FPGS: variants seen among roughly 807,000 people sequenced by gnomAD.
FPGS encodes folylpolyglutamate synthase, mitochondrial.
A neutral mutation model predicts 66.5 loss-of-function variants in FPGS; 53 were observed. That is an observed-to-expected ratio of 0.80 (90% confidence interval 0.64 to 1.00). FPGS has a LOEUF of 1.00. Ranked by LOEUF, FPGS falls within the 50% of genes least tolerant of loss-of-function variation. FPGS has a pLI of 0.00. For missense variants in FPGS, 702 were observed against 807.7 expected (o/e 0.87, Z 1.59); for synonymous variants, 348 against 350.9 (o/e 0.99, Z 0.09).
intron 4 of FPGS, among the ~76,000 whole-genome samples, chr9:127,805,949 C>T (rs1829790451): frequency 6.6e-6 from 1 of 152,210 alleles, no homozygotes; most frequent in South Asian, 2.1e-4. Context: ...AATCAGCTGC[C>T]TAAGGTCATT....
At chr9:127,810,880 C>G in intron 13 of FPGS, 65 bp from the exon 14 acceptor site, 1 of 802,870 alleles carries the variant, frequency 1.2e-6, no homozygotes, top group Non-Finnish European at 2.1e-6. Flanking sequence ...GCGCAGGGGG[C>G]CATATGGAAG....
At chr9:127,808,432 G>A (rs373153022) in intron 9 of FPGS, 121 bp downstream of exon 9, 2 of 1,510,800 alleles carry the variant, frequency 1.3e-6, no homozygotes, top group Non-Finnish European at 1.8e-6. Flanking sequence ...TGGGCCAGCT[G>A]CCAGGCCTGC....
At chr9:127,806,703 C>T (rs376112584) in intron 4 of FPGS, 2 of 487,734 alleles carry the variant, frequency 4.1e-6, no homozygotes, top group Non-Finnish European at 7.5e-6. Flanking sequence ...ACTGTTGGAG[C>T]CCATAGAATG....
Position 127,807,931 on chromosome 9 carries a change from C to T in FPGS, c.744+243C>T. On this transcript the variant is annotated intron_variant, in intron 8 of 14. Coordinates refer to ENST00000373247, the MANE Select transcript of FPGS (RefSeq NM_004957.6). The surrounding 1 kb of genome is among the most constrained non-coding windows in gnomAD (Gnocchi z 5.8). ...GACCAGCCTGACCAATATGGGGAAA[C>T]TCTGTCTCTACTAAAAATACAAAAA... 1.8e-6 allele frequency: 1 copy of T among 567,854 alleles called. No individual in the cohort carries two copies. The highest frequency in any genetic ancestry group is 3.1e-6 in the Non-Finnish European group (1 of 322,514). The allele number at this position is 567,854 out of a possible 1,614,324, so 35.2% of individuals were successfully genotyped here.
rs1484301382 is a variant in FPGS, at chr9:127,808,000, G to A, written c.745-234G>A. 2 of 577,252 alleles carry A rather than the reference G, an allele frequency of 3.5e-6. No individual in the cohort carries two copies. The highest frequency in any genetic ancestry group is 4.3e-5 in the South Asian group (2 of 46,004). 35.8% of individuals were successfully genotyped at this position (577,252 alleles called of 1,614,324 possible). A position where few individuals can be genotyped will look rare whatever the true frequency, so the allele number is the denominator to read the frequency against. On this transcript the variant is annotated intron_variant, in intron 8 of 14. Coordinates refer to ENST00000373247, the MANE Select transcript of FPGS (RefSeq NM_004957.6). The surrounding 1 kb of genome is among the most constrained non-coding windows in gnomAD (Gnocchi z 5.8). The stretch of plus-strand genomic sequence containing the variant: ...GTACGCCTGTAGTTCCAGCTACTTG[G>A]GAGACTGAGGCAGGAGAATCACTCG...
intron 14 of FPGS, 94 bp from the exon 15 acceptor site, chr9:127,813,101 G>T: frequency 6.7e-7 from 1 of 1,486,472 alleles, no homozygotes. Flanking sequence ...GGCTTGGTGC[G>T]AAGCAGGTGC....
At position 127,813,589 on chromosome 9, in the gene FPGS, C is replaced by T. The variant is rs140231222; in HGVS notation, c.1749C>T (p.Pro583=). Residue 583 remains proline, a synonymous_variant, in exon 15 of 15, where the codon CCC becomes CCT. Coordinates refer to ENST00000373247, the MANE Select transcript of FPGS (RefSeq NM_004957.6). The part of the protein sequence containing the change: ...LVGGVLKLLE[P]ALSQ ...GTGGTGTCCTGAAGCTGCTGGAGCCCGCACTGTCCCAGTAGCCAAGGCCCG... is the reference window on the plus strand; with the variant it reads ...GTGGTGTCCTGAAGCTGCTGGAGCCTGCACTGTCCCAGTAGCCAAGGCCCG... 225 of 1,536,134 alleles carry T rather than the reference C, an allele frequency of 1.5e-4. No homozygotes were observed. The highest frequency in any genetic ancestry group is 9.9e-4 in the African/African-American group (72 of 72,704).
rs777990794 is a variant in FPGS at position 127,810,938 on chromosome 9, C to T, written c.1288-7C>T. The T allele has an allele frequency of 1.3e-6, 2 of 1,559,498 alleles. No individual in the cohort carries two copies. The highest frequency in any genetic ancestry group is 1.7e-6 in the Non-Finnish European group (2 of 1,143,100). ...TCTGACACCAAGTCTTTCCCTTGGC[C>T]TTCTAGCCCTGCCAGTTTGACTATG... On this transcript the variant is annotated splice_region_variant and splice_polypyrimidine_tract_variant and intron_variant, in intron 13 of 14. Coordinates refer to ENST00000373247, the MANE Select transcript of FPGS (RefSeq NM_004957.6).
rs751169043 is a variant in FPGS, at chr9:127,807,171, G to A, written c.502-38G>A. ...ACCCCATCTCCCCAGAGAAGGGGCT[G>A]CATGGGCTCTGGGCCCTGACATGTC... On this transcript the variant is annotated intron_variant, in intron 5 of 14. Transcript: ENST00000373247. The surrounding 1 kb of genome is among the most constrained non-coding windows in gnomAD (Gnocchi z 5.8). The A allele has an allele frequency of 1.2e-6, 2 of 1,612,374 alleles. No homozygotes were observed. Among genetic ancestry groups the A allele is most frequent in the Non-Finnish European group, 1.7e-6 (2 of 1,178,544 alleles).
chr9:127,804,138 C>T, intron 1 of FPGS, 147 bp from the exon 2 acceptor site: 1 of 1,052,294 alleles, frequency 9.5e-7, no homozygotes. Flanking sequence ...GTTGCTTAAC[C>T]TACAGGCTAG....
intron 14 of FPGS, among the ~76,000 whole-genome samples, chr9:127,812,582 A>G (rs1356450621): frequency 2.0e-5 from 3 of 152,082 alleles, no homozygotes. Flanking sequence ...GCTCACTGCA[A>G]TCTCCACCTC....
At chr9:127,803,113 C>G (rs550566089) in intron 1 of FPGS, 51 bp downstream of exon 1, 2 of 1,317,256 alleles carry the variant, frequency 1.5e-6, no homozygotes, top group South Asian at 4.1e-5. Flanking sequence ...GACACGTGGG[C>G]CTGCGCTGAG....
At chr9:127,806,530 A>G (rs968111194) in intron 4 of FPGS, 9 of 171,438 alleles carry the variant, frequency 5.2e-5, no homozygotes, top group East Asian at 1.5e-4. Flanking sequence ...AAAAACTACA[A>G]TCATTTTTGG....
chr9:127,803,100 G>A (rs1034425998), intron 1 of FPGS, 38 bp downstream of exon 1: 53 of 1,349,770 alleles, frequency 3.9e-5, no homozygotes, highest in Non-Finnish European at 4.6e-5. Flanking sequence ...GCCTGGGCGC[G>A]ACGACACGTG....
At chr9:127,814,145 A>G (rs747888452), downstream of FPGS, 937 of 985,912 alleles carry the variant, frequency 9.5e-4, 1 homozygote, top group Non-Finnish European at 1.1e-3. Flanking sequence ...AGGGACCTGC[A>G]CTGTGTAGAG....
At chr9:127,806,854 A>G (rs1829831098) in intron 4 of FPGS, 119 bp from the exon 5 acceptor site, 1 of 739,410 alleles carries the variant, frequency 1.4e-6, no homozygotes, top group Non-Finnish European at 2.4e-6. Flanking sequence ...GGCACCAGGA[A>G]CAAACCGAGG....
chr9:127,808,354 T>C, intron 9 of FPGS, 43 bp downstream of exon 9: 3 of 1,570,914 alleles, frequency 1.9e-6, no homozygotes, highest in Non-Finnish European at 2.6e-6. Flanking sequence ...TGGGTTTGTG[T>C]CCCTCCTGTT....
In FPGS at chr9:127,813,386, G is replaced by A. The variant is rs766443523; in HGVS notation, c.1546G>A (p.Val516Ile). Reference sequence around the variant, plus strand: ...CCACACCTGCAGTGCCAGCTCCCTCGTCTTCAGCTGCATTTCACATGCCTT... The same window carrying A: ...CCACACCTGCAGTGCCAGCTCCCTCATCTTCAGCTGCATTTCACATGCCTT... ...PPHTCSASSL[V>I]FSCISHALQW... The change falls in exon 15 of 15, where the codon GTC (valine) becomes ATC (isoleucine). Residue 516 changes from valine to isoleucine, a missense_variant. Val to Ile is a conservative substitution (Grantham distance 29). Transcript: ENST00000373247. The A allele has an allele frequency of 2.2e-5, 35 of 1,610,270 alleles. No homozygotes were observed. The highest frequency in any genetic ancestry group is 2.5e-5 in the Non-Finnish European group (29 of 1,177,862).
intron 11 of FPGS, among the ~76,000 whole-genome samples, chr9:127,809,262 G>T (rs1352441125): frequency 6.6e-6 from 1 of 152,150 alleles, no homozygotes; most frequent in African/African-American, 2.4e-5. Context: ...CTGGAGGATG[G>T]TGATCCAGTC....
Sources: gnomAD v4.1 joint callset for allele counts (sites outside exome capture counted in the v4.1 genomes callset) on GRCh38, gnomAD v4.1.1 for gene constraint, Gnocchi (gnomAD v3.1) non-coding constraint, MANE v1.5 for transcripts, NCBI Gene and HGNC (gene_info 2026-07-23, HGNC 2026-07-21) for gene names.